Variants in CSMD1 observed in about 807,000 individuals in gnomAD.
CSMD1 encodes CUB and sushi domain-containing protein 1.
A neutral mutation model predicts 417.5 loss-of-function variants in CSMD1; 213 were observed. The ratio of observed to expected loss-of-function variants is 0.51; its 90% CI spans 0.46 to 0.57. The LOEUF (loss-of-function observed/expected upper bound fraction) is 0.57. Ranked by LOEUF, CSMD1 falls within the 20% of genes least tolerant of loss-of-function variation. The probability of loss-of-function intolerance (pLI) is 0.00; values close to 1 mark genes in which losing one functional copy is unlikely to be tolerated. For missense variants in CSMD1, 6,923 were observed against 4,529.7 expected (o/e 1.53, Z -15.17); for synonymous variants, 2,862 against 1,736.8 (o/e 1.65, Z -16.11).
At chr8:4,474,695 C>T (rs34991116) in intron 2 of CSMD1, among the ~76,000 whole-genome samples, 10,472 of 152,166 alleles carry the variant, frequency 0.069, 629 homozygotes, top group East Asian at 0.2. Context: ...CTCAACTGAG[C>T]AGTTTACTCC....
At chr8:4,414,611 T>A (rs1169164892) in intron 3 of CSMD1, among the ~76,000 whole-genome samples, 1 of 152,172 alleles carries the variant, frequency 6.6e-6, no homozygotes, top group East Asian at 1.9e-4. Flanking sequence ...TTTTTTAAAC[T>A]TCTGCATGCG....
intron 31 of CSMD1, among the ~76,000 whole-genome samples, chr8:3,203,538 G>A (rs192985556): frequency 6.6e-6 from 1 of 152,150 alleles, no homozygotes; most frequent in Non-Finnish European, 1.5e-5. Context: ...AATTATATCA[G>A]CGAACGGAAT....
At chr8:4,040,909 G>T (rs892707792) in intron 3 of CSMD1, among the ~76,000 whole-genome samples, 1 of 151,744 alleles carries the variant, frequency 6.6e-6, no homozygotes, top group Non-Finnish European at 1.5e-5. Flanking sequence ...GAAGCATCAT[G>T]AATATTTGCT....
chr8:4,284,132 C>T (rs1235562596), intron 3 of CSMD1, among the ~76,000 whole-genome samples: 3 of 152,112 alleles, frequency 2.0e-5, no homozygotes, highest in African/African-American at 7.2e-5. Flanking sequence ...TTTTGGGAGG[C>T]CGAGAAGGGT....
intron 4 of CSMD1, among the ~76,000 whole-genome samples, chr8:4,016,735 C>T (rs963719638): frequency 2.0e-5 from 3 of 152,182 alleles, no homozygotes; most frequent in Admixed American, 1.3e-4. Context: ...TATAGCCAAA[C>T]CACCCTCTTG....
intron 49 of CSMD1, among the ~76,000 whole-genome samples, chr8:3,069,610 T>C (rs960128818): frequency 2.6e-5 from 4 of 152,182 alleles, no homozygotes; most frequent in Admixed American, 1.3e-4. Flanking sequence ...GCTTTGCTTC[T>C]GTGGTTTTGC....
At chr8:4,271,296 C>A (rs982996583) in intron 3 of CSMD1, among the ~76,000 whole-genome samples, 1 of 152,034 alleles carries the variant, frequency 6.6e-6, no homozygotes, top group Non-Finnish European at 1.5e-5. Context: ...CAGCAGGCAA[C>A]CATCAACCCA....
At chr8:4,715,654 C>T (rs1418633799) in intron 1 of CSMD1, among the ~76,000 whole-genome samples, 1 of 152,152 alleles carries the variant, frequency 6.6e-6, no homozygotes, top group Admixed American at 6.6e-5. Flanking sequence ...CATTTCTCTT[C>T]CAGATTCATC....
intron 1 of CSMD1, among the ~76,000 whole-genome samples, chr8:4,950,908 A>T (rs1209326228): frequency 1.3e-5 from 2 of 152,144 alleles, no homozygotes; most frequent in South Asian, 4.1e-4. Context: ...GTACTTGTTT[A>T]AAGTACCATT....
chr8:4,445,760 G>T (rs1798749603), intron 2 of CSMD1, among the ~76,000 whole-genome samples: 1 of 143,432 alleles, frequency 7.0e-6, no homozygotes, highest in African/African-American at 2.6e-5. Context: ...ACGGTCCTGA[G>T]AATCTACACT....
At chr8:4,106,140 A>C (rs887141745) in intron 3 of CSMD1, among the ~76,000 whole-genome samples, 1 of 152,070 alleles carries the variant, frequency 6.6e-6, no homozygotes, top group Non-Finnish European at 1.5e-5. Flanking sequence ...TCGATTTATT[A>C]CATGTTTCTC....
At chr8:3,602,911 A>G (rs1440073409) in intron 8 of CSMD1, among the ~76,000 whole-genome samples, 1 of 152,142 alleles carries the variant, frequency 6.6e-6, no homozygotes, top group Non-Finnish European at 1.5e-5. Context: ...AGTAACAATC[A>G]CCTATTTTCT....
At chr8:4,802,916 G>A (rs868426792) in intron 1 of CSMD1, among the ~76,000 whole-genome samples, 2 of 152,130 alleles carry the variant, frequency 1.3e-5, no homozygotes, top group South Asian at 2.1e-4. Context: ...ATTAACCACT[G>A]GAGAGAGGCA....
chr8:4,639,955 GA>G (rs1379046828), intron 1 of CSMD1, among the ~76,000 whole-genome samples: 2 of 152,136 alleles, frequency 1.3e-5, no homozygotes, highest in African/African-American at 2.4e-5. Context: ...GGTTTTTAAA[GA>G]AAATAGCTTG....
intron 5 of CSMD1, among the ~76,000 whole-genome samples, chr8:3,917,337 G>C (rs1808899305): frequency 6.6e-6 from 1 of 151,980 alleles, no homozygotes; most frequent in Non-Finnish European, 1.5e-5. Flanking sequence ...GCTAAGTTTT[G>C]CAAATATACA....
intron 3 of CSMD1, among the ~76,000 whole-genome samples, chr8:4,253,116 C>A (rs1421600766): frequency 2.0e-5 from 3 of 152,222 alleles, no homozygotes; most frequent in Non-Finnish European, 2.9e-5. Flanking sequence ...ATCTGTGGAA[C>A]TGGATGGATA....
intron 5 of CSMD1, among the ~76,000 whole-genome samples, chr8:3,922,055 G>C (rs1809314200): frequency 6.6e-6 from 1 of 151,984 alleles, no homozygotes; most frequent in South Asian, 2.1e-4. Flanking sequence ...TATATATGTA[G>C]GTGCTACAAT....
intron 6 of CSMD1, among the ~76,000 whole-genome samples, chr8:3,714,947 C>G (rs1292074519): frequency 1.3e-5 from 2 of 152,148 alleles, no homozygotes; most frequent in African/African-American, 2.4e-5. Context: ...CTCTAGGACT[C>G]TCTTTTTCTA....
intron 52 of CSMD1, among the ~76,000 whole-genome samples, chr8:3,009,528 G>A (rs949946193): frequency 6.6e-6 from 1 of 152,122 alleles, no homozygotes; most frequent in African/African-American, 2.4e-5. Context: ...AATGTCAGGT[G>A]CATCAGATTC....
Sources: gnomAD v4.1 joint callset for allele counts (sites outside exome capture counted in the v4.1 genomes callset) on GRCh38, gnomAD v4.1.1 for gene constraint, MANE v1.5 for transcripts, NCBI Gene and HGNC (gene_info 2026-07-23, HGNC 2026-07-21) for gene names.